The following ESR1 variants were observed in gnomAD, a reference collection of about 807,000 sequenced individuals.
ESR1 encodes estrogen receptor.
In ESR1, 12 loss-of-function variants were observed where a neutral mutation model predicts 52.7. The observed-to-expected ratio is 0.23, with a 90% confidence interval of 0.15 to 0.37. The LOEUF (loss-of-function observed/expected upper bound fraction) is 0.37, where lower values mean the gene tolerates loss of function less well. Ranked by LOEUF, ESR1 falls within the 10% of genes least tolerant of loss-of-function variation. The pLI is 1.00. For missense variants in ESR1, 584 were observed against 779.7 expected, an observed-to-expected ratio of 0.75 and a Z score of 2.99; for synonymous variants, 305 against 316.8, an observed-to-expected ratio of 0.96 and a Z score of 0.39.
At chr6:152,035,509 C>T (rs3020428) in intron 5 of ESR1, among the ~76,000 whole-genome samples, 22,926 of 151,902 alleles carry the variant, frequency 0.15, 1,767 homozygotes, top group South Asian at 0.2. Context: ...CAATTCTTGA[C>T]AAATCGGTCT....
chr6:151,732,035 T>G (rs1782285897), intron 2 of ESR1, among the ~76,000 whole-genome samples: 1 of 152,224 alleles, frequency 6.6e-6, no homozygotes, highest in South Asian at 2.1e-4. Flanking sequence ...TAGATCACCC[T>G]TATTAACTGC....
At chr6:151,934,497 A>G (rs781661400) in intron 3 of ESR1, among the ~76,000 whole-genome samples, 1 of 152,222 alleles carries the variant, frequency 6.6e-6, no homozygotes, top group Non-Finnish European at 1.5e-5. Flanking sequence ...TACATTTTAC[A>G]TAAGTGATAC....
intron 1 of ESR1, among the ~76,000 whole-genome samples, chr6:151,815,993 C>T (rs1218968410): frequency 2.6e-5 from 4 of 152,116 alleles, no homozygotes; most frequent in East Asian, 3.8e-4. Flanking sequence ...AAGGCTCTGA[C>T]GTGTCTTAAG....
At chr6:151,974,875 C>T (rs911768738) in intron 4 of ESR1, among the ~76,000 whole-genome samples, 2 of 152,176 alleles carry the variant, frequency 1.3e-5, no homozygotes, top group Non-Finnish European at 2.9e-5. Flanking sequence ...TGCCTAGCAG[C>T]GCTAGTCTTT....
At chr6:152,038,131 G>C (rs1273284282) in intron 5 of ESR1, among the ~76,000 whole-genome samples, 1 of 152,142 alleles carries the variant, frequency 6.6e-6, no homozygotes, top group Non-Finnish European at 1.5e-5. Context: ...CACTAGTGTA[G>C]GTCCAAGAGT....
chr6:151,679,706 A>G (rs1345454491), intron 1 of ESR1, among the ~76,000 whole-genome samples: 1 of 151,450 alleles, frequency 6.6e-6, no homozygotes, highest in African/African-American at 2.4e-5. Flanking sequence ...TACCTCTACC[A>G]CCTCCTCTCC....
chr6:152,045,641 T>C (rs1166903466), intron 5 of ESR1, among the ~76,000 whole-genome samples: 1 of 152,194 alleles, frequency 6.6e-6, no homozygotes, highest in Admixed American at 6.5e-5. Context: ...TGATTAGATA[T>C]CTAGTACCAA....
chr6:151,725,074 T>C (rs1781740292), intron 2 of ESR1, among the ~76,000 whole-genome samples: 1 of 152,212 alleles, frequency 6.6e-6, no homozygotes, highest in Admixed American at 6.5e-5. Flanking sequence ...TTTAAAAAGA[T>C]AAGATCTTTC....
In ESR1 at chr6:151,704,575, T is replaced by C. The variant is rs530750154; in HGVS notation, c.-71+2570T>C. On this transcript the variant is annotated intron_variant, in intron 2 of 2. Coordinates refer to the ESR1 transcript ENST00000404742. ...TGGCCACAAAAGTCAATTCTTAACT[T>C]AAAACATAAAAGTTCCATTTCTTTT... Among the ~76,000 whole-genome samples the C allele has an allele frequency of 9.1e-4, 139 of 152,272 alleles. 3 individuals are homozygous for C. The South Asian group carries it at 0.029, about 31-fold the overall frequency.
At chr6:151,763,378 G>T (rs1184548393) in intron 2 of ESR1, among the ~76,000 whole-genome samples, 1 of 152,134 alleles carries the variant, frequency 6.6e-6, no homozygotes, top group Non-Finnish European at 1.5e-5. Context: ...TCCCACGTTG[G>T]AAAGAAATAT....
intron 2 of ESR1, among the ~76,000 whole-genome samples, chr6:151,711,782 C>T (rs1101081): frequency 0.26 from 39,316 of 151,914 alleles, 5,293 homozygotes; most frequent in Non-Finnish European, 0.27. Context: ...GAAATTTTTC[C>T]CCCATTCTGT....
chr6:151,672,823 A>T (rs1778115984), intron 1 of ESR1, among the ~76,000 whole-genome samples: 1 of 138,294 alleles, frequency 7.2e-6, no homozygotes, highest in Non-Finnish European at 1.5e-5. Flanking sequence ...CAAATTCATG[A>T]TCAATTTTTT....
At chr6:151,967,797 C>T (rs994338652) in intron 4 of ESR1, among the ~76,000 whole-genome samples, 1 of 152,196 alleles carries the variant, frequency 6.6e-6, no homozygotes, top group Non-Finnish European at 1.5e-5. Flanking sequence ...TACACTCCCA[C>T]CAACAGTGTA....
chr6:151,789,838 C>G (rs1239181136), intron 2 of ESR1, among the ~76,000 whole-genome samples: 1 of 152,124 alleles, frequency 6.6e-6, no homozygotes, highest in Non-Finnish European at 1.5e-5. Context: ...TTTTTCCTTC[C>G]CTCCCATTTA....
downstream of ESR1, among the ~76,000 whole-genome samples, chr6:152,103,426 G>A (rs1392988044): frequency 1.3e-5 from 2 of 152,188 alleles, no homozygotes; most frequent in Non-Finnish European, 2.9e-5. Flanking sequence ...ACACCCCCAG[G>A]TGTATCAGGA....
At chr6:151,999,295 A>G (rs962610020) in intron 4 of ESR1, among the ~76,000 whole-genome samples, 1 of 152,076 alleles carries the variant, frequency 6.6e-6, no homozygotes, top group Non-Finnish European at 1.5e-5. Flanking sequence ...TTTACATTTA[A>G]TCTTCAAATC....
chr6:151,718,247 G>A (rs1481414679), intron 2 of ESR1, among the ~76,000 whole-genome samples: 1 of 152,152 alleles, frequency 6.6e-6, no homozygotes, highest in Non-Finnish European at 1.5e-5. Context: ...ATAAGAAATT[G>A]TCTTGAGGAA....
chr6:151,709,242 C>T (rs1780403820), intron 2 of ESR1, among the ~76,000 whole-genome samples: 1 of 152,022 alleles, frequency 6.6e-6, no homozygotes, highest in South Asian at 2.1e-4. Flanking sequence ...ATTTGTCTTT[C>T]TGTGCCTGGC....
At chr6:152,122,452 C>T (rs1208289394) in intron 6 of ESR1, 1 of 1,614,114 alleles carries the variant, frequency 6.2e-7, no homozygotes, top group Non-Finnish European at 8.5e-7. Flanking sequence ...TGGAGGAGGG[C>T]CATTCGTGTA....
Sources: gnomAD v4.1 joint callset for allele counts (sites outside exome capture counted in the v4.1 genomes callset) on GRCh38, gnomAD v4.1.1 for gene constraint, MANE v1.5 for transcripts, NCBI Gene and HGNC (gene_info 2026-07-23, HGNC 2026-07-21) for gene names.